The following ABCB10 variants were observed in gnomAD, a reference collection of about 807,000 sequenced individuals.
ABCB10 encodes the protein ATP binding cassette subfamily B member 10.
In ABCB10, 54 loss-of-function variants were observed where a neutral mutation model predicts 65.4. That is an observed-to-expected ratio of 0.83 (90% CI 0.66 to 1.04). The LOEUF is 1.04. ABCB10 is among the 50% of genes least tolerant of loss of function. The pLI is 0.00. For missense variants in ABCB10, 846 were observed against 976.6 expected (o/e 0.87, Z 1.78); for synonymous variants, 418 against 406.5 (o/e 1.03, Z -0.34).
chr1:229,528,751 C>T (rs371675489), intron 8 of ABCB10, among the ~76,000 whole-genome samples: 1 of 151,856 alleles, frequency 6.6e-6, no homozygotes, highest in Non-Finnish European at 1.5e-5. Context: ...TGGTCTCCAA[C>T]TTGTGGCCTC....
chr1:229,547,375 C>A, intron 3 of ABCB10, 124 bp downstream of exon 3: 2 of 1,103,852 alleles, frequency 1.8e-6, no homozygotes, highest in Non-Finnish European at 2.6e-6. Context: ...TGCAACAGCA[C>A]TTTTGGCTCT....
chr1:229,520,427 A>G (rs1224829578), intron 11 of ABCB10, among the ~76,000 whole-genome samples: 3 of 151,452 alleles, frequency 2.0e-5, no homozygotes, highest in Non-Finnish European at 2.9e-5. Context: ...GCTGAGATCG[A>G]CCACTGCACT....
At chr1:229,526,609 G>A (rs1184340539) in intron 9 of ABCB10, among the ~76,000 whole-genome samples, 4 of 152,202 alleles carry the variant, frequency 2.6e-5, no homozygotes, top group African/African-American at 4.8e-5. Context: ...TCACCCAAGT[G>A]GAGTGGGGAG....
chr1:229,541,816 G>A (rs1175073510), intron 4 of ABCB10, among the ~76,000 whole-genome samples: 2 of 151,854 alleles, frequency 1.3e-5, no homozygotes, highest in Non-Finnish European at 2.9e-5. Context: ...GGCATGGGGC[G>A]ATAGTCCCAG....
At chr1:229,523,199 T>C (rs576114888) in intron 10 of ABCB10, among the ~76,000 whole-genome samples, 1 of 152,052 alleles carries the variant, frequency 6.6e-6, no homozygotes, top group East Asian at 1.9e-4. Context: ...TGGGATGGAG[T>C]GGAGTCAGCA....
intron 4 of ABCB10, among the ~76,000 whole-genome samples, chr1:229,541,260 C>G (rs1001744083): frequency 6.6e-6 from 1 of 152,026 alleles, no homozygotes; most frequent in African/African-American, 2.4e-5. Flanking sequence ...GAGTTTCACT[C>G]TTGTCACCCA....
At chr1:229,524,794 TA>T (rs1322884481) in intron 10 of ABCB10, among the ~76,000 whole-genome samples, 1 of 152,006 alleles carries the variant, frequency 6.6e-6, no homozygotes, top group Non-Finnish European at 1.5e-5. Flanking sequence ...TAAAGTTGCT[TA>T]AAAGCACACA....
Position 229,527,313 on chromosome 1 carries a change from T to C in ABCB10, c.1646-5A>G. Reference sequence around the variant, plus strand: ...GGCCATCAAGACTAATAGTTCCTTGTTGAGAGGAAAGGAAAGGAAAGAGTC... The same window carrying C: ...GGCCATCAAGACTAATAGTTCCTTGCTGAGAGGAAAGGAAAGGAAAGAGTC... On this transcript the variant is annotated splice_region_variant and splice_polypyrimidine_tract_variant and intron_variant, in intron 8 of 12. Coordinates refer to ENST00000344517, the MANE Select transcript of ABCB10 (RefSeq NM_012089.3). 3 of 1,464,840 alleles carry C rather than the reference T, an allele frequency of 2.0e-6. No individual in the cohort carries two copies. The highest frequency in any genetic ancestry group is 2.7e-6 in the Non-Finnish European group (3 of 1,113,446). The allele number at this position is 1,464,840 out of a possible 1,614,324, so 90.7% of individuals were successfully genotyped here. A position where few individuals can be genotyped will look rare whatever the true frequency, so the allele number is the denominator to read the frequency against.
chr1:229,529,628 C>T (rs557674312), intron 8 of ABCB10, among the ~76,000 whole-genome samples: 1 of 146,402 alleles, frequency 6.8e-6, no homozygotes, highest in South Asian at 2.2e-4. Flanking sequence ...TGAGATCGCG[C>T]CACTGCACTC....
chr1:229,518,146 A>G lies in ABCB10; in HGVS notation c.*33T>C, dbSNP rs758545704. The G allele has an allele frequency of 5.9e-6, 9 of 1,514,982 alleles. No homozygotes were observed. The South Asian group carries it at 1.0e-4, about 17-fold the overall frequency. The allele number at this position is 1,514,982 out of a possible 1,614,324, so 93.8% of individuals were successfully genotyped here. On this transcript the variant is annotated 3_prime_UTR_variant, in exon 13 of 13. Coordinates refer to ENST00000344517, the MANE Select transcript of ABCB10 (RefSeq NM_012089.3). ...TTTTTCTGCAACACTGTTTTGCATT[A>G]AAGTCTCATATTGTTTACCAGTAAT...
chr1:229,553,536 G>A lies in ABCB10; in HGVS notation c.518-4102C>T, dbSNP rs564191353. Among the ~76,000 whole-genome samples, 53 of 152,184 alleles carry A rather than the reference G, an allele frequency of 3.5e-4. 1 individual carries two copies. In the South Asian group the frequency reaches 0.011, roughly 31 times the overall value. On this transcript the variant is annotated intron_variant, in intron 1 of 12. Transcript: ENST00000344517. ...GTAGGCTGGGGACAGAGGGATAAAG[G>A]GCAGAGTATAGGACTACAGATATTT...
At chr1:229,526,143 C>T (rs370293229) in intron 9 of ABCB10, 27 bp from the exon 10 acceptor site, 13 of 1,593,770 alleles carry the variant, frequency 8.2e-6, no homozygotes, top group African/African-American at 1.3e-5. Context: ...AAACATATCA[C>T]GAATTTCAAA....
At chr1:229,524,858 A>G (rs998527078) in intron 10 of ABCB10, among the ~76,000 whole-genome samples, 6 of 146,490 alleles carry the variant, frequency 4.1e-5, no homozygotes, top group Non-Finnish European at 7.6e-5. Context: ...AAAACCCACA[A>G]TTTTTTTTTT....
At chr1:229,518,954 A>T in intron 11 of ABCB10, 79 bp from the exon 12 acceptor site, 1 of 1,191,424 alleles carries the variant, frequency 8.4e-7, no homozygotes, top group Admixed American at 2.0e-5. Flanking sequence ...AAAGGAATAA[A>T]ATTCTGACAC....
chr1:229,547,226 C>T (rs1423257429), intron 3 of ABCB10, among the ~76,000 whole-genome samples: 15 of 152,198 alleles, frequency 9.9e-5, no homozygotes, highest in Admixed American at 9.2e-4. Flanking sequence ...TCTTTTCTGC[C>T]TTAATACCCC....
At position 229,558,369 on chromosome 1, in the gene ABCB10, C is replaced by G; in HGVS notation, c.284G>C (p.Arg95Pro). 8.0e-7 allele frequency: 1 copy of G among 1,252,062 alleles called. No homozygotes were observed. The highest frequency in any genetic ancestry group is 1.0e-6 in the Non-Finnish European group (1 of 987,104). The allele number at this position is 1,252,062 out of a possible 1,614,324, so 77.6% of individuals were successfully genotyped here. ...GLARLLGLWA[R>P]GPGSCRCGAF... ...CCCGCACCTGCAGCTGCCGGGGCCG[C>G]GAGCCCACAGCCCCAGGAGCCGCGC... The change falls in exon 1 of 13, where the codon CGC (arginine) becomes CCC (proline). Residue 95 changes from arginine to proline, a missense_variant. Arg to Pro is a moderately radical substitution (Grantham distance 103). Coordinates refer to ENST00000344517, the MANE Select transcript of ABCB10 (RefSeq NM_012089.3).
chr1:229,546,532 G>T lies in ABCB10; in HGVS notation c.921+967C>A, dbSNP rs371422865. ...ATAATTTTGATATTAATTACATCTT[G>T]AGATGACAATATTTTGTTTATACTG... On this transcript the variant is annotated intron_variant, in intron 3 of 12. Coordinates refer to ENST00000344517, the MANE Select transcript of ABCB10 (RefSeq NM_012089.3). Among the ~76,000 whole-genome samples the T allele has an allele frequency of 1.8e-4, 27 of 152,168 alleles. 1 individual carries two copies. The East Asian group carries it at 4.6e-3, about 26-fold the overall frequency.
rs570751299 is a variant in ABCB10 at position 229,540,470 on chromosome 1, G to A, written c.1203+136C>T. On this transcript the variant is annotated intron_variant, in intron 5 of 12. Transcript: ENST00000344517. ...TTTTCACAAAAATATTTTAAAGAAAGTCATTCTTGGCCTTGAAATTAAGAC... is the reference window on the plus strand; with the variant it reads ...TTTTCACAAAAATATTTTAAAGAAAATCATTCTTGGCCTTGAAATTAAGAC... 1,628 of 901,252 alleles carry A rather than the reference G, an allele frequency of 1.8e-3. 8 individuals are homozygous for A. The highest frequency in any genetic ancestry group is 2.3e-3 in the Non-Finnish European group (1,472 of 632,200). 55.8% of individuals were successfully genotyped at this position (901,252 alleles called of 1,614,324 possible).
intron 3 of ABCB10, among the ~76,000 whole-genome samples, chr1:229,545,138 T>C (rs1355982301): frequency 6.6e-6 from 1 of 152,246 alleles, no homozygotes; most frequent in African/African-American, 2.4e-5. Flanking sequence ...TGACCTACAC[T>C]GAATTCCCTT....
Sources: gnomAD v4.1 joint callset for allele counts (sites outside exome capture counted in the v4.1 genomes callset) on GRCh38, gnomAD v4.1.1 for gene constraint, MANE v1.5 for transcripts, NCBI Gene and HGNC (gene_info 2026-07-23, HGNC 2026-07-21) for gene names.